ERC1: variants seen among roughly 807,000 people sequenced by gnomAD.
ERC1 encodes the protein RAB6 interacting protein 2.
Under a neutral mutation model 132.0 loss-of-function variants are expected in ERC1, and 56 were observed. That is an observed-to-expected ratio of 0.42 (90% CI 0.34 to 0.53). ERC1 has a LOEUF of 0.53. Among genes scored for constraint, ERC1 ranks in the 20% least tolerant of loss-of-function variants. The pLI, the probability that ERC1 is intolerant of heterozygous loss-of-function variation, is 0.03. For missense variants in ERC1, 1,202 were observed against 1,349.9 expected (o/e 0.89, Z 1.72); for synonymous variants, 478 against 476.1 (o/e 1.00, Z -0.05).
chr12:1,303,150 C>T (rs966751765), intron 15 of ERC1, among the ~76,000 whole-genome samples: 5 of 152,138 alleles, frequency 3.3e-5, no homozygotes, highest in Admixed American at 2.0e-4. Context: ...TGGCTGCTGA[C>T]TGAGCAGAGT....
At chr12:1,474,098 G>A (rs758221939) in intron 18 of ERC1, among the ~76,000 whole-genome samples, 2 of 152,174 alleles carry the variant, frequency 1.3e-5, no homozygotes, top group Admixed American at 1.3e-4. Context: ...TTCAAGTTAG[G>A]GGCTTGTGGG....
chr12:1,342,423 C>T (rs1203435766), intron 15 of ERC1, among the ~76,000 whole-genome samples: 2 of 150,618 alleles, frequency 1.3e-5, no homozygotes, highest in Non-Finnish European at 2.9e-5. Flanking sequence ...GCCAAGATTG[C>T]GCCATCGCAC....
intron 17 of ERC1, among the ~76,000 whole-genome samples, chr12:1,414,448 A>G (rs1316883371): frequency 6.6e-6 from 1 of 152,146 alleles, no homozygotes; most frequent in East Asian, 1.9e-4. Context: ...TAATCTTCCC[A>G]AAGCCATCCA....
At chr12:1,043,000 A>G (rs547357812) in intron 2 of ERC1, among the ~76,000 whole-genome samples, 12 of 149,692 alleles carry the variant, frequency 8.0e-5, no homozygotes, top group East Asian at 1.9e-4. Context: ...CATGTTATCT[A>G]TGGTACAGAG....
intron 2 of ERC1, among the ~76,000 whole-genome samples, chr12:1,081,726 C>T (rs1190221287): frequency 1.3e-5 from 2 of 152,086 alleles, no homozygotes; most frequent in African/African-American, 2.4e-5. Flanking sequence ...TACTAATCAA[C>T]AGGAATATAA....
At chr12:1,487,770 AGGG>A (rs1320065243) in intron 18 of ERC1, among the ~76,000 whole-genome samples, 57 of 36,860 alleles carry the variant, frequency 1.5e-3, no homozygotes, top group African/African-American at 2.7e-3. Context: ...GGAGGGAGGG[AGGG>A]AGGGAGGAAG....
At chr12:1,425,670 C>T (rs1244488745) in intron 17 of ERC1, among the ~76,000 whole-genome samples, 1 of 152,186 alleles carries the variant, frequency 6.6e-6, no homozygotes, top group East Asian at 1.9e-4. Context: ...TCAGCACATC[C>T]TTTTAATGGC....
intron 1 of ERC1, among the ~76,000 whole-genome samples, chr12:1,004,401 C>CTTTTTT (rs71055118): frequency 2.6e-3 from 243 of 95,012 alleles, no homozygotes; most frequent in Non-Finnish European, 2.9e-3. Flanking sequence ...TTTTCTTTCT[C>CTTTTTT]TTTTTTTTTT....
chr12:1,429,954 CAG>C (rs2092743913), intron 17 of ERC1, among the ~76,000 whole-genome samples: 1 of 152,218 alleles, frequency 6.6e-6, no homozygotes, highest in African/African-American at 2.4e-5. Context: ...ATTTTCATCT[CAG>C]TGGTTTCTAT....
chr12:1,459,751 T>C (rs912254000), intron 18 of ERC1, among the ~76,000 whole-genome samples: 4 of 152,332 alleles, frequency 2.6e-5, no homozygotes, highest in South Asian at 2.1e-4. Flanking sequence ...TTAATTTACA[T>C]TGGAAAAATC....
At chr12:1,092,021 C>T (rs865971062) in intron 3 of ERC1, among the ~76,000 whole-genome samples, 4 of 104,984 alleles carry the variant, frequency 3.8e-5, no homozygotes, top group African/African-American at 1.1e-4. Flanking sequence ...TTTTTTGAGA[C>T]GGAGTCTCGC....
At chr12:1,033,285 C>A (rs558266304) in intron 2 of ERC1, among the ~76,000 whole-genome samples, 1 of 152,118 alleles carries the variant, frequency 6.6e-6, no homozygotes, top group Non-Finnish European at 1.5e-5. Context: ...ATCCGCCCAC[C>A]TCAGCCTCCC....
intron 8 of ERC1, among the ~76,000 whole-genome samples, chr12:1,160,468 C>G (rs1340762428): frequency 1.3e-5 from 2 of 152,148 alleles, no homozygotes; most frequent in Non-Finnish European, 2.9e-5. Flanking sequence ...AGCATGGTGG[C>G]TTACACCTGT....
chr12:1,119,985 T>A, intron 7 of ERC1, among the ~76,000 whole-genome samples: 1 of 152,144 alleles, frequency 6.6e-6, no homozygotes. Context: ...CATTTTTTTA[T>A]TAATTTATTA....
At chr12:1,330,600 C>T (rs979661038) in intron 15 of ERC1, among the ~76,000 whole-genome samples, 6 of 152,100 alleles carry the variant, frequency 3.9e-5, no homozygotes, top group African/African-American at 1.2e-4. Flanking sequence ...CTCTTCCTTC[C>T]ACTTTTCTTC....
chr12:1,438,952 A>ATATATATATAT (rs1555093159), intron 17 of ERC1, among the ~76,000 whole-genome samples: 2 of 114,962 alleles, frequency 1.7e-5, no homozygotes, highest in African/African-American at 8.3e-5. Context: ...AATTTAAAAA[A>ATATATATATAT]AAATATATAT....
rs558354079 is a variant in ERC1 at position 1,312,993 on chromosome 12, G to A, written c.2780+22981G>A. On this transcript the variant is annotated intron_variant, in intron 15 of 18. Coordinates refer to ENST00000360905, the MANE Select transcript of ERC1 (RefSeq NM_178040.4). ...GTTCATTTTTAATGAACATCCAAAA[G>A]ATGCTCCTATTGCAATAAAACCATA... Among the ~76,000 whole-genome samples the A allele has an allele frequency of 1.1e-3, 164 of 152,184 alleles. 1 individual carries two copies. The highest frequency in any genetic ancestry group is 9.3e-4 in the Non-Finnish European group (63 of 68,008).
chr12:1,093,287 C>A (rs1943486155), intron 3 of ERC1, among the ~76,000 whole-genome samples: 1 of 144,518 alleles, frequency 6.9e-6, no homozygotes, highest in Non-Finnish European at 1.6e-5. Context: ...TGTTTGACCG[C>A]TTATTCTTAG....
intron 7 of ERC1, among the ~76,000 whole-genome samples, chr12:1,119,197 A>T (rs892637631): frequency 6.6e-5 from 10 of 152,164 alleles, no homozygotes; most frequent in African/African-American, 1.7e-4. Flanking sequence ...AAAAAATTTT[A>T]AAAATCCTTT....
Sources: gnomAD v4.1 joint callset for allele counts (sites outside exome capture counted in the v4.1 genomes callset) on GRCh38, gnomAD v4.1.1 for gene constraint, MANE v1.5 for transcripts, NCBI Gene and HGNC (gene_info 2026-07-23, HGNC 2026-07-21) for gene names.